CLOCK: variants seen among roughly 807,000 people sequenced by gnomAD.
CLOCK encodes the protein clock circadian regulator, also known as circadian locomoter output cycles protein kaput.
CLOCK carries 43 observed loss-of-function variants against 118.4 expected under a neutral mutation model. The observed-to-expected ratio is 0.36, with a 90% CI of 0.28 to 0.47. The LOEUF (loss-of-function observed/expected upper bound fraction) is 0.47, where lower values mean the gene tolerates loss of function less well. Ranked by LOEUF, CLOCK falls within the 20% of genes least tolerant of loss-of-function variation. The pLI is 1.00. For synonymous variants in CLOCK, 326 were observed against 339.2 expected (o/e 0.96, Z 0.43); for missense variants, 846 against 999.9 (o/e 0.85, Z 2.08).
chr4:55,514,778 T>C (rs1308617903), intron 1 of CLOCK, among the ~76,000 whole-genome samples: 1 of 152,198 alleles, frequency 6.6e-6, no homozygotes, highest in Non-Finnish European at 1.5e-5. Context: ...TGAATTTGAT[T>C]TGCTAATATT....
intron 6 of CLOCK, among the ~76,000 whole-genome samples, chr4:55,477,213 G>GA (rs879463076): frequency 3.1e-4 from 46 of 148,680 alleles, no homozygotes; most frequent in African/African-American, 5.7e-4. Context: ...ATCTGATTTT[G>GA]AAAAAAAAAA....
chr4:55,542,367 ATAATAATAATAATATTATTAT>A lies in CLOCK; in HGVS notation c.-290+4394_-290+4414del, dbSNP rs139372124. ...TCAAATAATAATAATAATAATAATAATAATAATAATAATATTATTATTATTATTATTATTAATGTCTATGCT... is the reference window on the plus strand; with the variant it reads ...TCAAATAATAATAATAATAATAATAATATTATTATTATTAATGTCTATGCT... On this transcript the variant is annotated intron_variant, in intron 1 of 22. Coordinates refer to ENST00000513440, the MANE Select transcript of CLOCK (RefSeq NM_004898.4). Among the ~76,000 whole-genome samples, 16 of 46,622 alleles carry A rather than the reference ATAATAATAATAATATTATTAT, an allele frequency of 3.4e-4. No individual in the cohort carries two copies. In the East Asian group the frequency reaches 7.1e-3, roughly 21 times the overall value. 30.6% of individuals were successfully genotyped at this position (46,622 alleles called of 152,430 possible). A position where few individuals can be genotyped will look rare whatever the true frequency, so the allele number is the denominator to read the frequency against.
At chr4:55,484,271 G>A (rs1225962425) in intron 3 of CLOCK, among the ~76,000 whole-genome samples, 1 of 151,898 alleles carries the variant, frequency 6.6e-6, no homozygotes, top group African/African-American at 2.4e-5. Flanking sequence ...GCTCACTGCT[G>A]CCTTGAAATC....
At chr4:55,518,857 C>T (rs1221023747) in intron 1 of CLOCK, among the ~76,000 whole-genome samples, 1 of 152,188 alleles carries the variant, frequency 6.6e-6, no homozygotes, top group Non-Finnish European at 1.5e-5. Context: ...AGACAACCGA[C>T]AAGCTATAAG....
intron 6 of CLOCK, among the ~76,000 whole-genome samples, chr4:55,478,091 G>T (rs1726643314): frequency 6.6e-6 from 1 of 151,884 alleles, no homozygotes. Flanking sequence ...TAACTGTCCT[G>T]AGTTTTACAG....
chr4:55,461,876 A>G (rs1725368602), intron 9 of CLOCK, among the ~76,000 whole-genome samples: 2 of 152,186 alleles, frequency 1.3e-5, no homozygotes, highest in African/African-American at 4.8e-5. Context: ...GTAAAAAATA[A>G]AACTCAAATT....
chr4:55,478,413 T>C lies in CLOCK; in HGVS notation c.256+402A>G, dbSNP rs922589031. Among the ~76,000 whole-genome samples the C allele has an allele frequency of 2.0e-5, 3 of 152,160 alleles. No individual in the cohort carries two copies. The East Asian group carries it at 5.8e-4, about 29-fold the overall frequency. ...CTCCCTGCCTCTCTGCTTTTGCACA[T>C]ATTCCCTTTGTGTGACATGCTGTCT... On this transcript the variant is annotated intron_variant, in intron 6 of 22. Coordinates refer to ENST00000513440, the MANE Select transcript of CLOCK (RefSeq NM_004898.4).
At chr4:55,436,944 C>A (rs1462834421) in intron 22 of CLOCK, among the ~76,000 whole-genome samples, 1 of 86,836 alleles carries the variant, frequency 1.2e-5, no homozygotes, top group Non-Finnish European at 2.3e-5. Context: ...GGCCTTTGTT[C>A]CTTGACATAC....
At chr4:55,489,969 G>C (rs1727560678) in intron 2 of CLOCK, among the ~76,000 whole-genome samples, 1 of 151,794 alleles carries the variant, frequency 6.6e-6, no homozygotes, top group Non-Finnish European at 1.5e-5. Flanking sequence ...AGAAAAACAG[G>C]AGGAAAGGAA....
At position 55,489,139 on chromosome 4, in the gene CLOCK, G is replaced by T. The variant is rs1016495912; in HGVS notation, c.-44+235C>A. On this transcript the variant is annotated intron_variant, in intron 3 of 22. Transcript: ENST00000513440. ...TCACTTGTGTATTATTCTTCTTCTA[G>T]AAGGCGGTTCTCATGACAGCAGGGA... is the stretch of plus-strand genomic sequence containing the variant. 7.9e-5 allele frequency among the ~76,000 whole-genome samples: 12 copies of T among 152,158 alleles called. 2 individuals are homozygous for T. Among genetic ancestry groups the T allele is most frequent in the Admixed American group, 7.9e-4 (12 of 15,268 alleles).
Position 55,449,417 on chromosome 4 carries a change from T to C in CLOCK, c.1428A>G (p.Arg476=). The C allele has an allele frequency of 6.2e-7, 1 of 1,613,950 alleles. No homozygotes were observed. Among genetic ancestry groups the C allele is most frequent in the Non-Finnish European group, 8.5e-7 (1 of 1,179,866 alleles). ...TTACCTGACTACTAAATGATGACCTTCTTTGCACCATCTTCTCATGAGCTG... is the reference window on the plus strand; with the variant it reads ...TTACCTGACTACTAAATGATGACCTCCTTTGCACCATCTTCTCATGAGCTG... ...HLPAHEKMVQ[R]RSSFSSQSIN... is the part of the protein sequence containing the mutation. The change falls in exon 17 of 23, where the codon AGA becomes AGG. Residue 476 remains arginine, a synonymous_variant. Transcript: ENST00000513440.
chr4:55,508,056 T>A (rs150786866), intron 2 of CLOCK, among the ~76,000 whole-genome samples: 13 of 152,294 alleles, frequency 8.5e-5, no homozygotes, highest in African/African-American at 2.9e-4. Context: ...AACACAAAAA[T>A]TATGGTCTTC....
chr4:55,460,250 A>G (rs752731896), intron 9 of CLOCK, among the ~76,000 whole-genome samples: 2 of 152,026 alleles, frequency 1.3e-5, no homozygotes, highest in African/African-American at 2.4e-5. Context: ...GACTATTCCT[A>G]TCTCTTCTGC....
rs369193423 is a variant in CLOCK, at chr4:55,492,357, T to TAAA, written c.-135-2895_-135-2893dup. On this transcript the variant is annotated intron_variant, in intron 2 of 22. Coordinates refer to ENST00000513440, the MANE Select transcript of CLOCK (RefSeq NM_004898.4). ...AACAAAATCCAACACCTATTCATGA[T>TAAA]AAAAAAAAAAAACGCCATTCAACAA... Among the ~76,000 whole-genome samples the TAAA allele has an allele frequency of 1.5e-3, 215 of 141,784 alleles. 1 individual carries two copies. Among genetic ancestry groups the TAAA allele is most frequent in the South Asian group, 0.01 (47 of 4,502 alleles). The allele number at this position is 141,784 out of a possible 152,430, so 93.0% of individuals were successfully genotyped here. A position where few individuals can be genotyped will look rare whatever the true frequency, so the allele number is the denominator to read the frequency against.
intron 2 of CLOCK, among the ~76,000 whole-genome samples, chr4:55,502,968 A>C (rs62305264): frequency 6.6e-6 from 1 of 152,110 alleles, no homozygotes; most frequent in Non-Finnish European, 1.5e-5. Context: ...CATATGCTCC[A>C]TAAGAGCTAA....
intron 6 of CLOCK, among the ~76,000 whole-genome samples, chr4:55,476,876 A>T (rs990884762): frequency 3.3e-5 from 5 of 152,286 alleles, no homozygotes; most frequent in African/African-American, 9.6e-5. Context: ...TATTCTACAA[A>T]ATATACTCTA....
At position 55,430,629 on chromosome 4, in the gene CLOCK, T is replaced by A. The variant is rs1347636205; in HGVS notation, c.*4786A>T. 6.6e-6 allele frequency: 1 copy of A among 152,186 alleles called. No individual in the cohort carries two copies. Among genetic ancestry groups the A allele is most frequent in the African/African-American group, 2.4e-5 (1 of 41,444 alleles). The allele number at this position is 152,186 out of a possible 1,614,324, so 9.4% of individuals were successfully genotyped here. On this transcript the variant is annotated 3_prime_UTR_variant, in exon 23 of 23. Transcript: ENST00000513440. ...CTCAGTCCTTTTTGTGCAAAAATAT[T>A]ACAAGAGCAATTCAAATGGAAATGC...
intron 15 of CLOCK, chr4:55,452,536 A>G (rs1724559767): frequency 6.4e-6 from 1 of 155,660 alleles, no homozygotes; most frequent in African/African-American, 2.4e-5. Flanking sequence ...AGGAGATAAC[A>G]AGTGTGTTGT....
intron 1 of CLOCK, among the ~76,000 whole-genome samples, chr4:55,535,211 A>T (rs1453044921): frequency 2.2e-5 from 3 of 137,424 alleles, no homozygotes; most frequent in Admixed American, 2.2e-4. Flanking sequence ...TTGCTTCTTG[A>T]TTATGGTGAT....
Sources: allele counts gnomAD v4.1 joint callset (sites outside exome capture counted in the v4.1 genomes callset), GRCh38; gene constraint gnomAD v4.1.1; transcripts MANE v1.5; gene names NCBI Gene and HGNC (gene_info 2026-07-23, HGNC 2026-07-21).